Variants in GRIPAP1 observed in about 807,000 individuals in gnomAD.
GRIPAP1 encodes GRIP1-associated protein 1.
GRIPAP1 carries 14 observed loss-of-function variants against 84.1 expected under a neutral mutation model. The ratio of observed to expected loss-of-function variants is 0.17; its 90% CI spans 0.11 to 0.26. The LOEUF (loss-of-function observed/expected upper bound fraction) is 0.26. Among genes scored for constraint, GRIPAP1 ranks in the 10% least tolerant of loss-of-function variants. The probability of loss-of-function intolerance (pLI) is 1.00; values close to 1 mark genes in which losing one functional copy is unlikely to be tolerated. For missense variants in GRIPAP1, 518 were observed against 674.2 expected (o/e 0.77, Z 2.57); for synonymous variants, 261 against 256.8 (o/e 1.02, Z -0.15).
rs2064557933 is a variant in GRIPAP1, at chrX:48,998,173, C to T, written c.179G>A (p.Ser60Asn). The part of the protein sequence containing the change: ...KEFSKAQKAL[S>N]KSKKAQEVEV... ...CCTTACCTGAGCTTTCTTGCTCTTG[C>T]TCAGTGCCTAAAGTGGGGGTGGGTG... The change falls in exon 4 of 26, where the codon AGC becomes AAC. Residue 60 changes from serine (S) to asparagine (N), a missense_variant. Ser to Asn is a conservative substitution (Grantham distance 46). Coordinates refer to ENST00000376423, the MANE Select transcript of GRIPAP1 (RefSeq NM_020137.5). The T allele has an allele frequency of 3.3e-6, 4 of 1,194,892 alleles. No homozygotes were observed. The highest frequency in any genetic ancestry group is 4.5e-6 in the Non-Finnish European group (4 of 881,584).
At chrX:48,996,005 T>A (rs1323882263) in intron 5 of GRIPAP1, among the ~76,000 whole-genome samples, 1 of 112,333 alleles carries the variant, frequency 8.9e-6, no homozygotes, top group Non-Finnish European at 1.9e-5. Context: ...CTGTTTTAAG[T>A]GATTTACGTA....
intron 22 of GRIPAP1, 60 bp from the exon 23 acceptor site, chrX:48,976,423 G>A: frequency 1.7e-5 from 19 of 1,147,821 alleles, no homozygotes; most frequent in Non-Finnish European, 2.0e-5. Context: ...CCCCAGACAG[G>A]TGTCAGGGAC....
At chrX:48,981,753 C>T (rs114936459) in intron 18 of GRIPAP1, 42 bp downstream of exon 18, 4 of 1,164,227 alleles carry the variant, frequency 3.4e-6, no homozygotes. Context: ...CAGGAGGGCC[C>T]GTCACTGTCT....
chrX:48,987,442 C>CTTT (rs782089098), intron 13 of GRIPAP1, among the ~76,000 whole-genome samples: 8 of 83,177 alleles, frequency 9.6e-5, no homozygotes, highest in South Asian at 1.1e-3. Flanking sequence ...CCACCACGCC[C>CTTT]TTTTTTTTTT....
At chrX:48,992,681 G>A (rs1762981450) in intron 6 of GRIPAP1, among the ~76,000 whole-genome samples, 1 of 111,257 alleles carries the variant, frequency 9.0e-6, no homozygotes, top group Non-Finnish European at 1.9e-5. Flanking sequence ...CACCACAGAA[G>A]TCCCAGCTGC....
intron 21 of GRIPAP1, among the ~76,000 whole-genome samples, chrX:48,979,680 C>A (rs933180087): frequency 9.5e-6 from 1 of 105,100 alleles, no homozygotes; most frequent in Non-Finnish European, 1.9e-5. Context: ...GGCGCAATCT[C>A]GGCTCACTGC....
intron 6 of GRIPAP1, among the ~76,000 whole-genome samples, chrX:48,992,243 C>T (rs1191042285): frequency 1.8e-5 from 2 of 112,361 alleles, no homozygotes; most frequent in African/African-American, 3.2e-5. Flanking sequence ...TGACCTCAGG[C>T]GATCTGCCCA....
chrX:48,976,659 T>A (rs2147730666), intron 22 of GRIPAP1, among the ~76,000 whole-genome samples: 1 of 111,366 alleles, frequency 9.0e-6, no homozygotes, highest in Non-Finnish European at 1.9e-5. Context: ...TGTTAAATCA[T>A]ACCACCAGGA....
Position 48,989,707 on chromosome X carries a change from G to C in GRIPAP1, c.774C>G (p.Asn258Lys). Residue 258 changes from asparagine (N) to lysine (K), a missense_variant, in exon 11 of 26, where the codon AAC (asparagine) becomes AAG (lysine). Coordinates refer to ENST00000376423, the MANE Select transcript of GRIPAP1 (RefSeq NM_020137.5). ...TCCGTTGTTGTAATTCCTCAATCTTGTTCCTAGGAGTGATGGGGAGGGGGT... is the reference window on the plus strand; with the variant it reads ...TCCGTTGTTGTAATTCCTCAATCTTCTTCCTAGGAGTGATGGGGAGGGGGT... ...EKETLFNDSR[N>K]KIEELQQRKE... The C allele has an allele frequency of 8.5e-7, 1 of 1,180,932 alleles. No homozygotes were observed. The highest frequency in any genetic ancestry group is 1.2e-6 in the Non-Finnish European group (1 of 867,500).
chrX:48,993,577 A>G lies in GRIPAP1; in HGVS notation c.308T>C (p.Leu103Pro). ...NSTLMAEFSK[L>P]CSQMEQLEQE... ...CTCCAGCTGTTCCATCTGGCTGCAG[A>G]GCTGAACAGAGGAAGAGAAGGGGCA... is the stretch of plus-strand genomic sequence containing the variant. The change falls in exon 6 of 26, where the codon CTC becomes CCC. Residue 103 changes from leucine (L) to proline (P), a missense_variant and splice_region_variant. Transcript: ENST00000376423. The G allele has an allele frequency of 8.8e-7, 1 of 1,139,936 alleles. No individual in the cohort carries two copies. The highest frequency in any genetic ancestry group is 1.2e-6 in the Non-Finnish European group (1 of 858,150). 93.9% of individuals were successfully genotyped at this position (1,139,936 alleles called of 1,213,427 possible).
chrX:49,001,916 A>G (rs1466410028), intron 1 of GRIPAP1, among the ~76,000 whole-genome samples: 1 of 110,543 alleles, frequency 9.0e-6, no homozygotes, highest in Non-Finnish European at 1.9e-5. Flanking sequence ...CACGGGCCCA[A>G]AAGTCTCGTC....
At chrX:48,974,672 T>C (rs1051751945) in intron 25 of GRIPAP1, among the ~76,000 whole-genome samples, 41 of 111,622 alleles carry the variant, frequency 3.7e-4, no homozygotes, top group African/African-American at 1.2e-3. Flanking sequence ...GGCAGAAAGA[T>C]GTGTGTGTGG....
intron 5 of GRIPAP1, among the ~76,000 whole-genome samples, chrX:48,994,419 T>C (rs964474437): frequency 1.0e-4 from 11 of 110,100 alleles, no homozygotes; most frequent in African/African-American, 3.6e-4. Flanking sequence ...AGACGGGGTT[T>C]CGCCATGTTG....
chrX:48,998,990 G>A (rs1480659563), intron 3 of GRIPAP1: 1 of 362,189 alleles, frequency 2.8e-6, no homozygotes, highest in African/African-American at 2.6e-5. Context: ...AAAAGTCAGT[G>A]AATGAGAATG....
chrX:49,002,255 C>T lies in GRIPAP1; in HGVS notation c.-26G>A, dbSNP rs2064585402. Reference sequence around the variant, plus strand: ...GTTCCTCCCCCCACCCCCCCGCCAGCTTTCTGCGCAGACGCAGCTCGCGCC... The same window carrying T: ...GTTCCTCCCCCCACCCCCCCGCCAGTTTTCTGCGCAGACGCAGCTCGCGCC... On this transcript the variant is annotated 5_prime_UTR_variant, in exon 1 of 26. Transcript: ENST00000376423. The T allele has an allele frequency of 5.7e-6, 6 of 1,047,677 alleles. No homozygotes were observed. Among genetic ancestry groups the T allele is most frequent in the Non-Finnish European group, 7.9e-6 (6 of 760,164 alleles). 86.3% of individuals were successfully genotyped at this position (1,047,677 alleles called of 1,213,427 possible). A position where few individuals can be genotyped will look rare whatever the true frequency, so the allele number is the denominator to read the frequency against.
chrX:48,986,475 T>C (rs2064488533), intron 13 of GRIPAP1, among the ~76,000 whole-genome samples: 1 of 109,824 alleles, frequency 9.1e-6, no homozygotes. Context: ...CACTATAACC[T>C]CCACCTCCCA....
At chrX:48,974,920 G>A (rs1242957534) in intron 25 of GRIPAP1, among the ~76,000 whole-genome samples, 1 of 111,463 alleles carries the variant, frequency 9.0e-6, no homozygotes, top group Non-Finnish European at 1.9e-5. Flanking sequence ...CAAATGGTTG[G>A]GTGAATGTGT....
rs2064499234 is a variant in GRIPAP1, at chrX:48,987,860, T to C, written c.966A>G (p.Ala322=). The C allele has an allele frequency of 8.3e-7, 1 of 1,200,896 alleles. No individual in the cohort carries two copies. The highest frequency in any genetic ancestry group is 2.2e-5 in the Admixed American group (1 of 45,584). Residue 322 remains alanine, a synonymous_variant, in exon 13 of 26, where the codon GCA becomes GCG. Coordinates refer to ENST00000376423, the MANE Select transcript of GRIPAP1 (RefSeq NM_020137.5). ...GCCCTTCCACTTGTTCCTGTGCATC[T>C]GCACTCTGGATGGATACCTGGCCCC... The part of the protein sequence containing the change: ...ALQDQVSIQS[A]DAQEQVEGLL...
chrX:48,979,948 A>C (rs1348619208), intron 21 of GRIPAP1, among the ~76,000 whole-genome samples: 1 of 111,361 alleles, frequency 9.0e-6, no homozygotes, highest in Non-Finnish European at 1.9e-5. Flanking sequence ...CTCCTTTTTA[A>C]AGAAAGGTTA....
Sources: allele counts gnomAD v4.1 joint callset (sites outside exome capture counted in the v4.1 genomes callset), GRCh38; gene constraint gnomAD v4.1.1; transcripts MANE v1.5; gene names NCBI Gene and HGNC (gene_info 2026-07-23, HGNC 2026-07-21).